The following DYNC1LI2 variants were observed in gnomAD, a reference collection of about 807,000 sequenced individuals.
DYNC1LI2 encodes dynein cytoplasmic 1 light intermediate chain 2, also known as cytoplasmic dynein 1 light intermediate chain 2.
Under a neutral mutation model 57.8 loss-of-function variants are expected in DYNC1LI2, and 19 were observed. That is an observed-to-expected ratio of 0.33 (90% CI 0.23 to 0.48). The LOEUF (loss-of-function observed/expected upper bound fraction) is 0.48, where lower values mean the gene tolerates loss of function less well. DYNC1LI2 is among the 20% of genes least tolerant of loss of function. The probability of loss-of-function intolerance (pLI) is 0.99; values close to 1 mark genes in which losing one functional copy is unlikely to be tolerated. For missense variants in DYNC1LI2, 470 were observed against 604.2 expected (o/e 0.78, Z 2.33); for synonymous variants, 256 against 233.4 (o/e 1.10, Z -0.88).
At chr16:66,741,743 A>AT (rs2017840816) in intron 4 of DYNC1LI2, among the ~76,000 whole-genome samples, 1 of 152,076 alleles carries the variant, frequency 6.6e-6, no homozygotes, top group African/African-American at 2.4e-5. Context: ...ACAGAAGATG[A>AT]TGTAACTGCA....
Position 66,722,028 on chromosome 16 carries a change from A to T in DYNC1LI2, c.*1694T>A, listed in dbSNP as rs2144959680. On this transcript the variant is annotated 3_prime_UTR_variant, in exon 13 of 13. Coordinates refer to ENST00000258198, the MANE Select transcript of DYNC1LI2 (RefSeq NM_006141.3). ...CACAATACATTTGTTTTTTTAAAAA[A>T]CTGAATTAAAAAAGGAAAAAAATAG... 1 of 152,708 alleles carries T rather than the reference A, an allele frequency of 6.5e-6. No homozygotes were observed. Among genetic ancestry groups the T allele is most frequent in the South Asian group, 2.1e-4 (1 of 4,828 alleles). The allele number at this position is 152,708 out of a possible 1,614,324, so 9.5% of individuals were successfully genotyped here. A position where few individuals can be genotyped will look rare whatever the true frequency, so the allele number is the denominator to read the frequency against.
At chr16:66,729,160 C>T (rs1165880894) in intron 8 of DYNC1LI2, 61 bp from the exon 9 acceptor site, 10 of 1,589,698 alleles carry the variant, frequency 6.3e-6, no homozygotes, top group Non-Finnish European at 8.6e-6. Flanking sequence ...CACTGTCAAA[C>T]TTCATGCCGA....
intron 5 of DYNC1LI2, among the ~76,000 whole-genome samples, chr16:66,735,669 T>C (rs1030661279): frequency 1.3e-5 from 2 of 151,542 alleles, no homozygotes; most frequent in Non-Finnish European, 2.9e-5. Context: ...ACCACGGCTG[T>C]CTAATTTTTT....
At chr16:66,727,013 G>A (rs967561322) in intron 11 of DYNC1LI2, among the ~76,000 whole-genome samples, 6 of 151,944 alleles carry the variant, frequency 3.9e-5, no homozygotes, top group African/African-American at 1.2e-4. Context: ...AATGCCCTGG[G>A]CCCAAGCAAT....
intron 6 of DYNC1LI2, 34 bp from the exon 7 acceptor site, chr16:66,732,508 G>A (rs767690634): frequency 2.5e-6 from 4 of 1,594,882 alleles, no homozygotes; most frequent in Non-Finnish European, 2.6e-6. Context: ...TCAATTCACT[G>A]CAGGAGGAGA....
intron 11 of DYNC1LI2, among the ~76,000 whole-genome samples, chr16:66,726,610 G>GT (rs761886832): frequency 2.0e-5 from 3 of 152,288 alleles, no homozygotes; most frequent in Non-Finnish European, 2.9e-5. Context: ...CCTCGGCAAC[G>GT]TAAGTGAGAC....
chr16:66,744,823 G>C (rs1197377608), intron 3 of DYNC1LI2, among the ~76,000 whole-genome samples: 1 of 151,924 alleles, frequency 6.6e-6, no homozygotes, highest in East Asian at 1.9e-4. Context: ...GCCTCCCAAA[G>C]TGCTGGGATT....
chr16:66,750,721 C>T (rs771096818), intron 2 of DYNC1LI2, among the ~76,000 whole-genome samples: 1 of 152,136 alleles, frequency 6.6e-6, no homozygotes, highest in Non-Finnish European at 1.5e-5. Flanking sequence ...TGTGAATGTA[C>T]CCAAACTCCC....
At chr16:66,739,419 A>T (rs986751876) in intron 4 of DYNC1LI2, 1 of 152,226 alleles carries the variant, frequency 6.6e-6, no homozygotes, top group African/African-American at 2.4e-5. Context: ...TCACATTTTT[A>T]AATAACTTAG....
At chr16:66,733,956 T>C (rs1482860666) in intron 6 of DYNC1LI2, 1 of 397,626 alleles carries the variant, frequency 2.5e-6, no homozygotes, top group South Asian at 3.0e-5. Flanking sequence ...AGGTCAGGAA[T>C]TTGAGACTAG....
At chr16:66,728,823 T>TA (rs2017582076) in intron 9 of DYNC1LI2, among the ~76,000 whole-genome samples, 1 of 152,232 alleles carries the variant, frequency 6.6e-6, no homozygotes, top group Non-Finnish European at 1.5e-5. Flanking sequence ...ACTATTCCTG[T>TA]AGGAGAGTCT....
intron 3 of DYNC1LI2, among the ~76,000 whole-genome samples, chr16:66,747,917 A>G (rs891879505): frequency 3.9e-5 from 6 of 152,168 alleles, no homozygotes; most frequent in Non-Finnish European, 7.3e-5. Context: ...GGTTATACAG[A>G]TAACTTTTCT....
At chr16:66,724,497 A>C (rs2017502333) in intron 12 of DYNC1LI2, among the ~76,000 whole-genome samples, 1 of 152,198 alleles carries the variant, frequency 6.6e-6, no homozygotes, top group African/African-American at 2.4e-5. Flanking sequence ...TGCCCTGAAG[A>C]CATCAATTAG....
intron 4 of DYNC1LI2, among the ~76,000 whole-genome samples, chr16:66,740,054 C>A (rs1462188346): frequency 2.6e-5 from 4 of 152,082 alleles, no homozygotes; most frequent in African/African-American, 9.7e-5. Context: ...CTGAGAAGAC[C>A]CCATAGTCCT....
At chr16:66,728,756 G>T (rs181639837) in intron 9 of DYNC1LI2, among the ~76,000 whole-genome samples, 2 of 152,178 alleles carry the variant, frequency 1.3e-5, no homozygotes, top group East Asian at 3.9e-4. Context: ...AACATAGGAA[G>T]TATTATGCCA....
At chr16:66,744,219 T>A (rs896667545) in intron 3 of DYNC1LI2, among the ~76,000 whole-genome samples, 3 of 151,980 alleles carry the variant, frequency 2.0e-5, no homozygotes, top group African/African-American at 7.3e-5. Context: ...GCCCAGCTAA[T>A]TTTTTAGTTT....
chr16:66,738,474 A>T (rs1252150683), intron 4 of DYNC1LI2, among the ~76,000 whole-genome samples: 1 of 147,224 alleles, frequency 6.8e-6, no homozygotes, highest in East Asian at 2.0e-4. Context: ...CTGATCTTGA[A>T]CTCCTGACCT....
At chr16:66,729,646 G>A (rs1412483928) in intron 8 of DYNC1LI2, among the ~76,000 whole-genome samples, 1 of 145,736 alleles carries the variant, frequency 6.9e-6, no homozygotes, top group East Asian at 2.0e-4. Context: ...GCCCGATCTC[G>A]GCTCATTACA....
rs1203027917 is a variant in DYNC1LI2 at position 66,721,810 on chromosome 16, T to C, written c.*1912A>G. On this transcript the variant is annotated 3_prime_UTR_variant, in exon 13 of 13. Coordinates refer to ENST00000258198, the MANE Select transcript of DYNC1LI2 (RefSeq NM_006141.3). The stretch of plus-strand genomic sequence containing the variant: ...AATTTTGCATTAAAATTTAAAATTA[T>C]ACCATATTCCTCTTCGGCATGTGCC... 6.6e-6 allele frequency: 1 copy of C among 152,660 alleles called. No individual in the cohort carries two copies. Among genetic ancestry groups the C allele is most frequent in the Non-Finnish European group, 1.5e-5 (1 of 68,054 alleles). 9.5% of individuals were successfully genotyped at this position (152,660 alleles called of 1,614,324 possible).
Sources: allele counts gnomAD v4.1 joint callset (sites outside exome capture counted in the v4.1 genomes callset), GRCh38; gene constraint gnomAD v4.1.1; transcripts MANE v1.5; gene names NCBI Gene and HGNC (gene_info 2026-07-23, HGNC 2026-07-21).